ZNF384: variants seen among roughly 807,000 people sequenced by gnomAD.
The protein encoded by ZNF384 is CAG repeat protein 1.
Under a neutral mutation model 65.0 loss-of-function variants are expected in ZNF384, and 20 were observed. That is an observed-to-expected ratio of 0.31 (90% CI 0.22 to 0.45). The LOEUF (loss-of-function observed/expected upper bound fraction) is 0.45, where lower values mean the gene tolerates loss of function less well. Among genes scored for constraint, ZNF384 ranks in the 20% least tolerant of loss-of-function variants. The pLI is 1.00. For missense variants in ZNF384, 549 were observed against 769.4 expected (o/e 0.71, Z 3.39); for synonymous variants, 310 against 303.9 (o/e 1.02, Z -0.21).
rs1331151873 is a variant in ZNF384, at chr12:6,678,185, G to A, written c.628C>T (p.Pro210Ser). Residue 210 changes from proline to serine, a missense_variant, in exon 6 of 12, where the codon CCT (proline) becomes TCT (serine). Transcript: ENST00000683879. The surrounding 1 kb of genome is among the most constrained non-coding windows in gnomAD (Gnocchi z 4.9). ...TCATCCTCAGGGGAGAGGACATAAGGGTCATTCATCTCGGGCAGCCCTGAT... is the reference window on the plus strand; with the variant it reads ...TCATCCTCAGGGGAGAGGACATAAGAGTCATTCATCTCGGGCAGCCCTGAT... The part of the protein sequence containing the change: ...LESGLPEMND[P>S]YVLSPEDDDD... The A allele has an allele frequency of 1.9e-6, 3 of 1,614,136 alleles. No homozygotes were observed. The South Asian group carries it at 3.3e-5, about 18-fold the overall frequency.
At position 6,673,535 on chromosome 12, in the gene ZNF384, G is replaced by A; in HGVS notation, c.780-95C>T. ...TTCCAAGAGAAGCCCACCTATCTGA[G>A]GTCTCTCCTACTCCAACTTGAGAGT... On this transcript the variant is annotated intron_variant, in intron 7 of 11. Transcript: ENST00000683879. This position sits in a 1 kb window ranked among gnomAD's most constrained non-coding sequence, Gnocchi z 4.7. 9.5e-7 allele frequency: 1 copy of A among 1,054,222 alleles called. No individual in the cohort carries two copies. The highest frequency in any genetic ancestry group is 1.4e-6 in the Non-Finnish European group (1 of 716,428). 65.3% of individuals were successfully genotyped at this position (1,054,222 alleles called of 1,614,324 possible). A position where few individuals can be genotyped will look rare whatever the true frequency, so the allele number is the denominator to read the frequency against.
rs1448485003 is a variant in ZNF384, at chr12:6,678,091, T to C, written c.686+36A>G. The C allele has an allele frequency of 1.3e-6, 2 of 1,570,218 alleles. No individual in the cohort carries two copies. Among genetic ancestry groups the C allele is most frequent in the East Asian group, 4.5e-5 (2 of 44,462 alleles). ...ACAGGGAGAATCACCAAGCCAGGGA[T>C]CCTCGCCCCATCCTGCCCCTGGCTC... is the stretch of plus-strand genomic sequence containing the variant. On this transcript the variant is annotated intron_variant, in intron 6 of 11. Transcript: ENST00000683879. This position sits in a 1 kb window ranked among gnomAD's most constrained non-coding sequence, Gnocchi z 4.9.
chr12:6,670,801 G>C lies in ZNF384; in HGVS notation c.1225C>G (p.Pro409Ala). Residue 409 changes from proline to alanine, a missense_variant, in exon 10 of 12, where the codon CCA (proline) becomes GCA (alanine). Physicochemically the swap from Pro to Ala is conservative, Grantham distance 27 (BLOSUM62 -1). Transcript: ENST00000683879. ...TGTGTGAAGGCTTTCTCACAGCCTGGGTGTGCACATTTGTATGGTCTATCA... is the reference window on the plus strand; with the variant it reads ...TGTGTGAAGGCTTTCTCACAGCCTGCGTGTGCACATTTGTATGGTCTATCA... ...TGDRPYKCAH[P>A]GCEKAFTQLS... 1.2e-6 allele frequency: 2 copies of C among 1,614,132 alleles called. No individual in the cohort carries two copies. Among genetic ancestry groups the C allele is most frequent in the Non-Finnish European group, 1.7e-6 (2 of 1,180,026 alleles).
chr12:6,686,400 C>T (rs374894928), intron 2 of ZNF384, among the ~76,000 whole-genome samples: 1 of 152,158 alleles, frequency 6.6e-6, no homozygotes, highest in Non-Finnish European at 1.5e-5. Context: ...ATTACAGGCG[C>T]TTGCCAACAC....
chr12:6,674,781 C>T (rs920469114), intron 7 of ZNF384, among the ~76,000 whole-genome samples: 8 of 152,186 alleles, frequency 5.3e-5, no homozygotes, highest in Non-Finnish European at 1.0e-4. Flanking sequence ...TTTTTGCCCC[C>T]AGAAGGGCGA....
In ZNF384 at chr12:6,673,112, A is replaced by T; in HGVS notation, c.1004+104T>A. ...GGAGGTTGAGGCTACCAATGGGCAA[A>T]GGTGAAAGGGAAAGAATAATACATG... On this transcript the variant is annotated intron_variant, in intron 8 of 11. Transcript: ENST00000683879. The surrounding 1 kb of genome is among the most constrained non-coding windows in gnomAD (Gnocchi z 4.7). 1 of 1,071,612 alleles carries T rather than the reference A, an allele frequency of 9.3e-7. No individual in the cohort carries two copies. Among genetic ancestry groups the T allele is most frequent in the Non-Finnish European group, 1.4e-6 (1 of 737,738 alleles). The allele number at this position is 1,071,612 out of a possible 1,614,324, so 66.4% of individuals were successfully genotyped here. A position where few individuals can be genotyped will look rare whatever the true frequency, so the allele number is the denominator to read the frequency against.
chr12:6,683,611 G>A (rs1330935700), intron 2 of ZNF384, among the ~76,000 whole-genome samples: 2 of 145,328 alleles, frequency 1.4e-5, no homozygotes, highest in Admixed American at 7.0e-5. Context: ...GCAGTAAGTC[G>A]AGATTGCACC....
intron 3 of ZNF384, 24 bp downstream of exon 3, chr12:6,679,431 G>C: frequency 6.2e-7 from 1 of 1,610,516 alleles, no homozygotes; most frequent in Non-Finnish European, 8.5e-7. Context: ...GACTTGGAGA[G>C]AGCAAGAAAG....
In ZNF384 at chr12:6,672,100, G is replaced by C. The variant is rs1055997417; in HGVS notation, c.1187+250C>G. The C allele has an allele frequency of 4.4e-6, 2 of 451,642 alleles. No individual in the cohort carries two copies. The highest frequency in any genetic ancestry group is 8.0e-6 in the Non-Finnish European group (2 of 250,102). The allele number at this position is 451,642 out of a possible 1,614,324, so 28.0% of individuals were successfully genotyped here. A position where few individuals can be genotyped will look rare whatever the true frequency, so the allele number is the denominator to read the frequency against. On this transcript the variant is annotated intron_variant, in intron 9 of 11. Coordinates refer to ENST00000683879, the MANE Select transcript of ZNF384 (RefSeq NM_001385745.1). This position sits in a 1 kb window ranked among gnomAD's most constrained non-coding sequence, Gnocchi z 4.4. ...TTGTTTCTACTCCAGGTACGTGTCT[G>C]TCTCCCATGGATCAGTGAATATCAT... is the stretch of plus-strand genomic sequence containing the variant.
Position 6,666,806 on chromosome 12 carries a change from AATATATTTATATAT to A in ZNF384, c.*894_*907del, listed in dbSNP as rs1458075397. 2 of 169,500 alleles carry A rather than the reference AATATATTTATATAT, an allele frequency of 1.2e-5. No homozygotes were observed. Among genetic ancestry groups the A allele is most frequent in the Non-Finnish European group, 2.5e-5 (2 of 78,864 alleles). The allele number at this position is 169,500 out of a possible 1,614,324, so 10.5% of individuals were successfully genotyped here. A position where few individuals can be genotyped will look rare whatever the true frequency, so the allele number is the denominator to read the frequency against. ...AAAGATGGCCGTGATGAGTGAGTAT[AATATATTTATATAT>A]ATATATTTATATATAAATCCGTGTC... On this transcript the variant is annotated 3_prime_UTR_variant, in exon 12 of 12. Coordinates refer to ENST00000683879, the MANE Select transcript of ZNF384 (RefSeq NM_001385745.1).
At position 6,667,987 on chromosome 12, in the gene ZNF384, C is replaced by G; in HGVS notation, c.1554G>C (p.Gln518His). 1.2e-6 allele frequency: 2 copies of G among 1,612,430 alleles called. No homozygotes were observed. Among genetic ancestry groups the G allele is most frequent in the Admixed American group, 1.7e-5 (1 of 59,900 alleles). The change falls in exon 12 of 12, where the codon CAG becomes CAC. Residue 518 changes from glutamine (Q) to histidine (H), a missense_variant. By Grantham distance (24) the Gln-to-His change is conservative. This residue lies in a region of ZNF384 where 136 missense variants were observed against 183.0 expected (regional missense o/e 0.74). Transcript: ENST00000683879. Reference protein sequence around the residue: ...QAQAQAQAQAQAQAQAQAQAS... With the variant: ...QAQAQAQAQAHAQAQAQAQAS... The stretch of plus-strand genomic sequence containing the variant: ...CCTGGGCCTGGGCCTGGGCTTGAGC[C>G]TGAGCCTGAGCCTGGGCTTGAGCTT...
chr12:6,675,596 C>T (rs913222377), intron 7 of ZNF384, among the ~76,000 whole-genome samples: 4 of 152,134 alleles, frequency 2.6e-5, no homozygotes, highest in Admixed American at 6.5e-5. Context: ...TTTGGAGAGT[C>T]GTGGCAGTCA....
chr12:6,676,924 A>C (rs1424644318), intron 7 of ZNF384, among the ~76,000 whole-genome samples: 3 of 152,222 alleles, frequency 2.0e-5, no homozygotes, highest in South Asian at 2.1e-4. Context: ...CTGCATAGCA[A>C]CACTCCTCTC....
intron 10 of ZNF384, among the ~76,000 whole-genome samples, chr12:6,669,796 C>T (rs1458147137): frequency 2.0e-5 from 3 of 152,168 alleles, no homozygotes; most frequent in Admixed American, 2.0e-4. Context: ...GCCACCGCGC[C>T]CAGCCAAATC....
At position 6,670,745 on chromosome 12, in the gene ZNF384, G is replaced by C. The variant is rs201848330; in HGVS notation, c.1266+15C>G. Reference sequence around the variant, plus strand: ...TCTCAGACTCAAGGTCTTGTGTGGAGGGTGGAACATTTACCTGCAGATTGG... The same window carrying C: ...TCTCAGACTCAAGGTCTTGTGTGGACGGTGGAACATTTACCTGCAGATTGG... On this transcript the variant is annotated intron_variant, in intron 10 of 11. Transcript: ENST00000683879. 2.0e-4 allele frequency: 319 copies of C among 1,613,216 alleles called. No individual in the cohort carries two copies. The highest frequency in any genetic ancestry group is 1.3e-5 in the Non-Finnish European group (15 of 1,179,192).
At chr12:6,668,237 G>C (rs752212417) in intron 11 of ZNF384, 122 bp from the exon 12 acceptor site, 5 of 1,052,198 alleles carry the variant, frequency 4.8e-6, no homozygotes, top group Admixed American at 2.4e-5. Context: ...GTTTTCTGGA[G>C]CCAAGACTGA....
upstream of ZNF384, chr12:6,689,562 C>T (rs1479416353): frequency 6.6e-6 from 1 of 152,284 alleles, no homozygotes; most frequent in African/African-American, 2.4e-5. Flanking sequence ...AGCCGAGTCA[C>T]TTCCGGGAGT....
At chr12:6,679,401 G>C (rs1246443069) in intron 3 of ZNF384, 54 bp downstream of exon 3, 19 of 1,536,664 alleles carry the variant, frequency 1.2e-5, no homozygotes, top group Admixed American at 1.7e-5. Context: ...AGTCTCCATA[G>C]TAACAGAACT....
intron 11 of ZNF384, 95 bp from the exon 12 acceptor site, chr12:6,668,210 G>T: frequency 7.6e-7 from 1 of 1,310,722 alleles, no homozygotes; most frequent in Non-Finnish European, 1.1e-6. Flanking sequence ...GCTGTAAGCA[G>T]AGTAAGCTTT....
Sources: gnomAD v4.1 joint callset for allele counts (sites outside exome capture counted in the v4.1 genomes callset) on GRCh38, gnomAD v4.1.1 for gene constraint, gnomAD v4.1.1 regional missense constraint, Gnocchi (gnomAD v3.1) non-coding constraint, MANE v1.5 for transcripts, NCBI Gene and HGNC (gene_info 2026-07-23, HGNC 2026-07-21) for gene names.